The following PTK2 variants were observed in gnomAD, a reference collection of about 807,000 sequenced individuals.
PTK2 encodes protein tyrosine kinase 2, also known as focal adhesion kinase 1.
In PTK2, 45 loss-of-function variants were observed where a neutral mutation model predicts 150.1. The ratio of observed to expected loss-of-function variants is 0.30; its 90% CI spans 0.24 to 0.38. The LOEUF (loss-of-function observed/expected upper bound fraction) is 0.38, where lower values mean the gene tolerates loss of function less well. Ranked by LOEUF, PTK2 falls within the 10% of genes least tolerant of loss-of-function variation. PTK2 has a pLI of 1.00. For missense variants in PTK2, 919 were observed against 1,307.3 expected, an observed-to-expected ratio of 0.70 and a Z score of 4.58; for synonymous variants, 432 against 449.2, an observed-to-expected ratio of 0.96 and a Z score of 0.48.
intron 10 of PTK2, among the ~76,000 whole-genome samples, chr8:140,804,634 C>G (rs2100097266): frequency 6.6e-6 from 1 of 152,166 alleles, no homozygotes; most frequent in Admixed American, 6.5e-5. Context: ...TACATTTCTT[C>G]AAAACAATTT....
intron 21 of PTK2, among the ~76,000 whole-genome samples, chr8:140,736,525 T>C (rs1225277229): frequency 1.1e-5 from 1 of 87,956 alleles, no homozygotes; most frequent in Non-Finnish European, 2.0e-5. Flanking sequence ...GAATCTAAAA[T>C]TCAAAAAAAA....
intron 30 of PTK2, 45 bp downstream of exon 34, chr8:140,668,224 G>T: frequency 6.2e-7 from 1 of 1,610,008 alleles, no homozygotes; most frequent in Non-Finnish European, 8.5e-7. Flanking sequence ...CAGCTTACAG[G>T]AAACAAGAAC....
chr8:140,789,330 G>T, intron 14 of PTK2, 144 bp downstream of exon 14: 1 of 655,262 alleles, frequency 1.5e-6, no homozygotes, highest in Non-Finnish European at 2.4e-6. Flanking sequence ...ATTTAATGAT[G>T]GTAAAATTAT....
At chr8:140,941,540 T>C (rs1421470653) in intron 1 of PTK2, among the ~76,000 whole-genome samples, 1 of 152,220 alleles carries the variant, frequency 6.6e-6, no homozygotes, top group Non-Finnish European at 1.5e-5. Flanking sequence ...GAGCTCATCA[T>C]TTAAAATAAA....
chr8:140,876,170 T>TG (rs1259242889), intron 4 of PTK2, among the ~76,000 whole-genome samples: 6 of 152,252 alleles, frequency 3.9e-5, no homozygotes, highest in African/African-American at 1.4e-4. Flanking sequence ...ATGGGGCCAA[T>TG]GCATATTTAG....
intron 2 of PTK2, among the ~76,000 whole-genome samples, chr8:140,912,846 T>A (rs1176597174): frequency 6.6e-6 from 1 of 151,960 alleles, no homozygotes; most frequent in Non-Finnish European, 1.5e-5. Context: ...CTCGGGAGGC[T>A]GAGGCAGGAG....
At chr8:140,700,041 A>C (rs1175192085) in intron 26 of PTK2, among the ~76,000 whole-genome samples, 1 of 152,236 alleles carries the variant, frequency 6.6e-6, no homozygotes, top group African/African-American at 2.4e-5. Context: ...TCTTCATTTA[A>C]CTGTTAATGT....
At chr8:140,892,444 G>T (rs1239202929) in intron 2 of PTK2, among the ~76,000 whole-genome samples, 1 of 152,148 alleles carries the variant, frequency 6.6e-6, no homozygotes, top group African/African-American at 2.4e-5. Context: ...GCTGAGGGGG[G>T]AGGATCACTT....
intron 1 of PTK2, among the ~76,000 whole-genome samples, chr8:141,000,386 G>A: frequency 6.6e-6 from 1 of 152,192 alleles, no homozygotes; most frequent in Non-Finnish European, 1.5e-5. Context: ...CCGGCAGGCC[G>A]CTCGGAGCCC....
chr8:140,847,575 C>T (rs775584727), intron 5 of PTK2, among the ~76,000 whole-genome samples: 5 of 152,142 alleles, frequency 3.3e-5, no homozygotes, highest in African/African-American at 9.7e-5. Flanking sequence ...TCCTCCAAGA[C>T]GCATCCCATT....
chr8:140,874,942 A>G (rs2100144676), intron 4 of PTK2, among the ~76,000 whole-genome samples: 1 of 152,232 alleles, frequency 6.6e-6, no homozygotes, highest in African/African-American at 2.4e-5. Context: ...AGGCATGACT[A>G]GAACCAGGAA....
chr8:140,729,283 C>T lies in PTK2; in HGVS notation c.2030+5968G>A, dbSNP rs182793760. On this transcript the variant is annotated intron_variant, in intron 22 of 31. Coordinates refer to ENST00000522684, the Ensembl canonical transcript of PTK2. ...AAACTCCAAACAAAAACTCCCAACA[C>T]CCCCCAGCTGGAGTGAAAGCTCTAT... 7.9e-5 allele frequency among the ~76,000 whole-genome samples: 12 copies of T among 152,288 alleles called. 1 individual carries two copies. The highest frequency in any genetic ancestry group is 2.9e-4 in the African/African-American group (12 of 41,554).
chr8:140,859,715 C>A (rs2100134904), intron 5 of PTK2, among the ~76,000 whole-genome samples: 1 of 152,162 alleles, frequency 6.6e-6, no homozygotes, highest in Admixed American at 6.5e-5. Context: ...CTATAGAAAG[C>A]TGATGAGGAC....
chr8:140,898,548 G>C (rs2100157214), intron 2 of PTK2, among the ~76,000 whole-genome samples: 1 of 152,074 alleles, frequency 6.6e-6, no homozygotes, highest in Non-Finnish European at 1.5e-5. Flanking sequence ...GAAGAAATAG[G>C]GCAGTTCCAA....
At chr8:140,854,212 CA>C (rs2100131143) in intron 5 of PTK2, among the ~76,000 whole-genome samples, 2 of 152,222 alleles carry the variant, frequency 1.3e-5, no homozygotes, top group Non-Finnish European at 2.9e-5. Context: ...TGGACATACT[CA>C]TTCTAAGTCT....
chr8:140,752,915 G>A (rs893296305), intron 16 of PTK2, among the ~76,000 whole-genome samples: 4 of 152,240 alleles, frequency 2.6e-5, no homozygotes, highest in Admixed American at 6.5e-5. Context: ...CACAGAGGGT[G>A]GAAGGTAGGA....
At position 140,991,426 on chromosome 8, in the gene PTK2, C is replaced by T. The variant is rs573563109; in HGVS notation, c.-122+9699G>A. On this transcript the variant is annotated intron_variant, in intron 1 of 31. Coordinates refer to ENST00000522684, the Ensembl canonical transcript of PTK2. Reference sequence around the variant, plus strand: ...CAATGTAAAATTGTTCATTCAAATTCCAAACCAAGATTAAAAATAATTAAT... The same window carrying T: ...CAATGTAAAATTGTTCATTCAAATTTCAAACCAAGATTAAAAATAATTAAT... 1.7e-3 allele frequency among the ~76,000 whole-genome samples: 256 copies of T among 152,280 alleles called. 1 individual carries two copies. Among genetic ancestry groups the T allele is most frequent in the Non-Finnish European group, 2.8e-3 (190 of 68,010 alleles).
rs545561194 is a variant in PTK2, at chr8:140,753,399, T to C, written c.1333-1083A>G. Among the ~76,000 whole-genome samples the C allele has an allele frequency of 3.5e-4, 53 of 152,236 alleles. 1 individual carries two copies. In the South Asian group the frequency reaches 0.011, roughly 31 times the overall value. On this transcript the variant is annotated intron_variant, in intron 16 of 31. Coordinates refer to ENST00000522684, the Ensembl canonical transcript of PTK2. Reference sequence around the variant, plus strand: ...TTGAGATGTCAGTAAGATAGCCAAGTCACACAGGTGAAGTGACCAGCAGGA... The same window carrying C: ...TTGAGATGTCAGTAAGATAGCCAAGCCACACAGGTGAAGTGACCAGCAGGA...
chr8:140,752,169 G>A, intron 17 of PTK2, 63 bp downstream of exon 20: 1 of 1,319,474 alleles, frequency 7.6e-7, no homozygotes, highest in Non-Finnish European at 1.1e-6. Context: ...TTTCTTCAGA[G>A]ACAGTTTGGA....
Sources: allele counts gnomAD v4.1 joint callset (sites outside exome capture counted in the v4.1 genomes callset), GRCh38; gene constraint gnomAD v4.1.1; transcripts MANE v1.5; gene names NCBI Gene and HGNC (gene_info 2026-07-23, HGNC 2026-07-21).